TET3: variants seen among roughly 807,000 people sequenced by gnomAD.
TET3 encodes the protein tet methylcytosine dioxygenase 3, also known as methylcytosine dioxygenase TET3.
A neutral mutation model predicts 141.4 loss-of-function variants in TET3; 19 were observed. The observed-to-expected ratio is 0.13, with a 90% CI of 0.09 to 0.20. The LOEUF is 0.20. Among genes scored for constraint, TET3 ranks in the 10% least tolerant of loss-of-function variants. The pLI is 1.00. For synonymous variants in TET3, 1,043 were observed against 980.9 expected (o/e 1.06, Z -1.18); for missense variants, 1,874 against 2,356.9 (o/e 0.80, Z 4.24).
intron 4 of TET3, among the ~76,000 whole-genome samples, chr2:74,055,015 C>T (rs1441042274): frequency 6.6e-6 from 1 of 152,094 alleles, no homozygotes; most frequent in African/African-American, 2.4e-5. Flanking sequence ...CCTGCCTCAG[C>T]CTCCCAAGTA....
At chr2:74,113,794 T>C in the TET3 span, among the ~76,000 whole-genome samples, 1 of 141,762 alleles carries the variant, frequency 7.1e-6, no homozygotes. Context: ...TGATGAAAGA[T>C]ATTGAAGAGG....
chr2:74,047,335 A>G lies in TET3; in HGVS notation c.1418A>G (p.Tyr473Cys). ...CAGTTGTTGGGCAGCGCCAGTGATT[A>G]CATCCAGTCAGTATTCAAGCGGCCT... ...LEQLLGSASD[Y>C]IQSVFKRPEA... The change falls in exon 4 of 12, where the codon TAC becomes TGC. Residue 473 changes from tyrosine (Y) to cysteine (C), a missense_variant. By Grantham distance (194) the Tyr-to-Cys change is radical. Coordinates refer to ENST00000409262, the MANE Select transcript of TET3 (RefSeq NM_001287491.2). 1.2e-6 allele frequency: 2 copies of G among 1,613,974 alleles called. No homozygotes were observed. Among genetic ancestry groups the G allele is most frequent in the Non-Finnish European group, 1.7e-6 (2 of 1,179,874 alleles).
chr2:73,985,447 C>T (rs1683968182), intron 1 of TET3, among the ~76,000 whole-genome samples: 1 of 143,520 alleles, frequency 7.0e-6, no homozygotes, highest in Non-Finnish European at 1.5e-5. Context: ...CTCGAGCGCG[C>T]CCCCCTCCCC....
chr2:74,000,936 C>T (rs995912060), intron 2 of TET3, among the ~76,000 whole-genome samples: 1 of 152,114 alleles, frequency 6.6e-6, no homozygotes, highest in African/African-American at 2.4e-5. Context: ...CCTTTCCAAG[C>T]ATTGTTTGTC....
intron 3 of TET3, among the ~76,000 whole-genome samples, chr2:74,015,973 A>C (rs1685703733): frequency 6.6e-6 from 1 of 152,116 alleles, no homozygotes; most frequent in South Asian, 2.1e-4. Flanking sequence ...TCCATTGCCT[A>C]TTACATCCAT....
At chr2:74,019,604 A>G (rs1450139818) in intron 3 of TET3, among the ~76,000 whole-genome samples, 1 of 152,286 alleles carries the variant, frequency 6.6e-6, no homozygotes, top group Middle Eastern at 3.4e-3. Flanking sequence ...CATGCGGTAA[A>G]TCCTTTTAAT....
rs1426247377 is a variant in TET3 at position 73,994,634 on chromosome 2, CTTTCTTT to C, written c.303+7932_303+7938del. Among the ~76,000 whole-genome samples the C allele has an allele frequency of 6.8e-3, 724 of 106,258 alleles. 4 individuals carry two copies. The highest frequency in any genetic ancestry group is 0.037 in the African/African-American group (679 of 18,372). 69.7% of individuals were successfully genotyped at this position (106,258 alleles called of 152,430 possible). On this transcript the variant is annotated intron_variant, in intron 2 of 11. Coordinates refer to ENST00000409262, the MANE Select transcript of TET3 (RefSeq NM_001287491.2). ...ATTTTTTTTCTTTCTTTCTTTCTTT[CTTTCTTT>C]TTTTTTTTTTTTTTTGATACGGAGT... is the stretch of plus-strand genomic sequence containing the variant.
At chr2:74,066,433 A>T (rs1688904914) in intron 4 of TET3, among the ~76,000 whole-genome samples, 1 of 152,250 alleles carries the variant, frequency 6.6e-6, no homozygotes, top group African/African-American at 2.4e-5. Flanking sequence ...AGAAGATTAT[A>T]GTATCTGTAA....
intron 6 of TET3, among the ~76,000 whole-genome samples, chr2:74,081,272 C>T (rs1689807497): frequency 6.6e-6 from 1 of 152,224 alleles, no homozygotes; most frequent in African/African-American, 2.4e-5. Context: ...AATAGCAGAG[C>T]ATCTGCCTCT....
At chr2:74,049,203 G>A (rs915797729) in intron 4 of TET3, among the ~76,000 whole-genome samples, 5 of 152,130 alleles carry the variant, frequency 3.3e-5, no homozygotes, top group Non-Finnish European at 7.4e-5. Context: ...TCTGCCTGGG[G>A]GTGGTGGTGT....
chr2:74,000,440 A>C (rs775535791), intron 2 of TET3, among the ~76,000 whole-genome samples: 3 of 152,182 alleles, frequency 2.0e-5, no homozygotes, highest in Non-Finnish European at 4.4e-5. Flanking sequence ...ACCCGGGAGG[A>C]GCAGATGATG....
chr2:74,020,967 C>A (rs750139362), intron 3 of TET3, among the ~76,000 whole-genome samples: 1 of 152,200 alleles, frequency 6.6e-6, no homozygotes, highest in Non-Finnish European at 1.5e-5. Context: ...CTCCCATGCT[C>A]AGGGTGGCAG....
intron 3 of TET3, among the ~76,000 whole-genome samples, chr2:74,034,457 C>T (rs1332377333): frequency 6.6e-6 from 1 of 151,658 alleles, no homozygotes; most frequent in Non-Finnish European, 1.5e-5. Flanking sequence ...GTTATCATTC[C>T]CTTGCTTTTT....
Position 74,093,995 on chromosome 2 carries a change from C to G in TET3, c.3267+329C>G, listed in dbSNP as rs771282766. Among the ~76,000 whole-genome samples, 4 of 152,176 alleles carry G rather than the reference C, an allele frequency of 2.6e-5. No homozygotes were observed. Among genetic ancestry groups the G allele is most frequent in the Admixed American group, 1.3e-4 (2 of 15,276 alleles). On this transcript the variant is annotated intron_variant, in intron 10 of 11. Coordinates refer to ENST00000409262, the MANE Select transcript of TET3 (RefSeq NM_001287491.2). The surrounding 1 kb of genome is among the most constrained non-coding windows in gnomAD (Gnocchi z 4.2). ...ACTTGGATTTAAATGCAAACAAACC[C>G]TTGATTCATTCTTTGGACAAATGTG...
At chr2:74,084,865 G>T (rs1269277466) in intron 6 of TET3, among the ~76,000 whole-genome samples, 2 of 152,040 alleles carry the variant, frequency 1.3e-5, no homozygotes, top group Admixed American at 6.6e-5. Flanking sequence ...AGCCCAGGAG[G>T]CAGAGGTGTT....
At chr2:74,002,727 CCTCCCTCCGTGCG>C (rs1684925443) in intron 2 of TET3, 1 of 520,654 alleles carries the variant, frequency 1.9e-6, no homozygotes, top group African/African-American at 2.0e-5. Flanking sequence ...CTCTGCAGTG[CCTCCCTCCGTGCG>C]CTCCCTCCGG....
chr2:73,984,713 A>G (rs1683905937), upstream of TET3, among the ~76,000 whole-genome samples: 1 of 151,366 alleles, frequency 6.6e-6, no homozygotes, highest in Admixed American at 6.6e-5. This position sits in a 1 kb window ranked among gnomAD's most constrained non-coding sequence, Gnocchi z 5.6. Flanking sequence ...GGTGCAGAGA[A>G]GCGGCGGCCG....
At position 74,106,110 on chromosome 2, in the gene TET3, C is replaced by T. The variant is rs1242553026; in HGVS notation, c.*3934C>T. ...TCTCTTGGCTTTTTTTTTTCCCTCC[C>T]CTCTTTTGGTGCTGTCTTAGACCCG... On this transcript the variant is annotated 3_prime_UTR_variant, in exon 12 of 12. Transcript: ENST00000409262. 6.6e-6 allele frequency: 1 copy of T among 151,842 alleles called. No homozygotes were observed. The highest frequency in any genetic ancestry group is 1.5e-5 in the Non-Finnish European group (1 of 67,982). The allele number at this position is 151,842 out of a possible 1,614,324, so 9.4% of individuals were successfully genotyped here. A position where few individuals can be genotyped will look rare whatever the true frequency, so the allele number is the denominator to read the frequency against.
chr2:74,090,111 A>T, intron 8 of TET3, 64 bp downstream of exon 8: 2 of 1,592,048 alleles, frequency 1.3e-6, no homozygotes, highest in South Asian at 2.2e-5. Context: ...TTCATGGTCC[A>T]GCGGGAGGTA....
Sources: gnomAD v4.1 joint callset for allele counts (sites outside exome capture counted in the v4.1 genomes callset) on GRCh38, gnomAD v4.1.1 for gene constraint, Gnocchi (gnomAD v3.1) non-coding constraint, MANE v1.5 for transcripts, NCBI Gene and HGNC (gene_info 2026-07-23, HGNC 2026-07-21) for gene names.